The following KIF16B variants were observed in gnomAD, a reference collection of about 807,000 sequenced individuals.
KIF16B encodes kinesin-like protein KIF16B.
In KIF16B, 98 loss-of-function variants were observed where a neutral mutation model predicts 156.3. The ratio of observed to expected loss-of-function variants is 0.63; its 90% confidence interval spans 0.53 to 0.74. The LOEUF (loss-of-function observed/expected upper bound fraction) is 0.74. Ranked by LOEUF, KIF16B falls within the 30% of genes least tolerant of loss-of-function variation. KIF16B has a pLI of 0.00. For synonymous variants in KIF16B, 564 were observed against 583.7 expected, an observed-to-expected ratio of 0.97 and a Z score of 0.49; for missense variants, 1,421 against 1,606.5, an observed-to-expected ratio of 0.88 and a Z score of 1.97.
intron 15 of KIF16B, among the ~76,000 whole-genome samples, chr20:16,422,455 A>C (rs968715420): frequency 6.6e-6 from 1 of 152,030 alleles, no homozygotes; most frequent in Non-Finnish European, 1.5e-5. Context: ...ACTCAGCATC[A>C]AGTGGCCAGG....
intron 12 of KIF16B, among the ~76,000 whole-genome samples, chr20:16,470,259 G>C (rs1019093182): frequency 5.9e-5 from 9 of 152,080 alleles, no homozygotes; most frequent in African/African-American, 2.2e-4. Flanking sequence ...TATAATGATG[G>C]ACTACATCTT....
intron 22 of KIF16B, among the ~76,000 whole-genome samples, chr20:16,370,019 A>G (rs952841318): frequency 3.3e-5 from 5 of 152,180 alleles, no homozygotes; most frequent in Non-Finnish European, 5.9e-5. Context: ...TCAGTAATGT[A>G]TGGACACCAT....
chr20:16,540,926 T>G (rs1057080039), intron 1 of KIF16B, among the ~76,000 whole-genome samples: 16 of 152,306 alleles, frequency 1.1e-4, no homozygotes, highest in African/African-American at 3.9e-4. Context: ...CATCAAGGGC[T>G]TCCACAGTTA....
At chr20:16,447,315 TC>T in intron 12 of KIF16B, among the ~76,000 whole-genome samples, 1 of 151,938 alleles carries the variant, frequency 6.6e-6, no homozygotes, top group East Asian at 1.9e-4. Context: ...AAAAAAAAGT[TC>T]CTTTTTTTTA....
intron 4 of KIF16B, 91 bp downstream of exon 4, chr20:16,515,457 T>C: frequency 4.3e-6 from 3 of 703,916 alleles, no homozygotes; most frequent in Non-Finnish European, 7.5e-6. Context: ...CATGAAAAGT[T>C]AGTACAGACC....
chr20:16,318,308 G>A (rs1398886475), intron 24 of KIF16B, among the ~76,000 whole-genome samples: 2 of 152,102 alleles, frequency 1.3e-5, no homozygotes, highest in East Asian at 1.9e-4. Flanking sequence ...CTACCCAGGA[G>A]GAATTCAGAG....
At chr20:16,420,986 C>T (rs776856861) in intron 15 of KIF16B, among the ~76,000 whole-genome samples, 54 of 152,036 alleles carry the variant, frequency 3.6e-4, no homozygotes, top group Non-Finnish European at 6.9e-4. Context: ...TGCATGAATT[C>T]GAGCACGAAT....
intron 12 of KIF16B, among the ~76,000 whole-genome samples, chr20:16,486,371 A>T (rs2068115417): frequency 6.6e-6 from 1 of 152,170 alleles, no homozygotes; most frequent in Non-Finnish European, 1.5e-5. Flanking sequence ...TAGTAATGCT[A>T]GGAATTTCCT....
intron 22 of KIF16B, chr20:16,366,835 C>T (rs41276368): frequency 0.034 from 35,801 of 1,068,218 alleles, 625 homozygotes; most frequent in African/African-American, 0.042. Context: ...TAAATCGACA[C>T]GAAAACAAAC....
chr20:16,560,972 T>C (rs994251524), intron 1 of KIF16B, among the ~76,000 whole-genome samples: 2 of 151,950 alleles, frequency 1.3e-5, no homozygotes, highest in Non-Finnish European at 2.9e-5. Context: ...TTTTAGTGAG[T>C]AACAATCATC....
intron 19 of KIF16B, among the ~76,000 whole-genome samples, chr20:16,378,115 A>T (rs938777017): frequency 1.3e-5 from 2 of 152,176 alleles, no homozygotes; most frequent in Admixed American, 6.5e-5. Context: ...CATTCCCAAC[A>T]TGTTGCAGAA....
At chr20:16,277,519 T>C (rs982175872) in intron 25 of KIF16B, among the ~76,000 whole-genome samples, 1 of 150,314 alleles carries the variant, frequency 6.7e-6, no homozygotes, top group African/African-American at 2.4e-5. Flanking sequence ...CAACACACAT[T>C]CATATTAGTA....
At chr20:16,507,812 G>T in intron 7 of KIF16B, 146 bp downstream of exon 7, 1 of 790,248 alleles carries the variant, frequency 1.3e-6, no homozygotes, top group Non-Finnish European at 2.1e-6. Flanking sequence ...CACAGCACAT[G>T]TTCAACTCTA....
At chr20:16,302,796 T>C (rs1210394684) in intron 25 of KIF16B, among the ~76,000 whole-genome samples, 1 of 152,232 alleles carries the variant, frequency 6.6e-6, no homozygotes, top group African/African-American at 2.4e-5. Context: ...AATTTCCAAT[T>C]CCATTTGTTT....
At chr20:16,442,081 G>A (rs2066816522) in intron 12 of KIF16B, among the ~76,000 whole-genome samples, 1 of 152,162 alleles carries the variant, frequency 6.6e-6, no homozygotes, top group African/African-American at 2.4e-5. Flanking sequence ...CAGACAAATT[G>A]ACATGTGGTT....
At chr20:16,549,560 A>G (rs2070557915) in intron 1 of KIF16B, among the ~76,000 whole-genome samples, 1 of 152,128 alleles carries the variant, frequency 6.6e-6, no homozygotes, top group Admixed American at 6.6e-5. Flanking sequence ...ATACCCAGTA[A>G]TGGGATGGCT....
At chr20:16,558,605 C>T (rs62196304) in intron 1 of KIF16B, among the ~76,000 whole-genome samples, 3,839 of 152,216 alleles carry the variant, frequency 0.025, 59 homozygotes, top group Middle Eastern at 0.075. Context: ...GTGAGAGCCA[C>T]GAAAATGTGG....
intron 25 of KIF16B, among the ~76,000 whole-genome samples, chr20:16,290,056 G>A (rs1216714180): frequency 6.6e-6 from 1 of 152,180 alleles, no homozygotes; most frequent in Non-Finnish European, 1.5e-5. Context: ...TATTTTCTTT[G>A]TTTTTAAGCT....
intron 24 of KIF16B, among the ~76,000 whole-genome samples, chr20:16,325,087 G>A (rs1394984832): frequency 1.3e-5 from 2 of 152,018 alleles, no homozygotes; most frequent in African/African-American, 2.4e-5. Flanking sequence ...AAAGGGATTT[G>A]ACAAAATCCA....
Sources: allele counts gnomAD v4.1 joint callset (sites outside exome capture counted in the v4.1 genomes callset), GRCh38; gene constraint gnomAD v4.1.1; transcripts MANE v1.5; gene names NCBI Gene and HGNC (gene_info 2026-07-23, HGNC 2026-07-21).